The following TET3 variants were observed in gnomAD, a reference collection of about 807,000 sequenced individuals.
TET3 encodes tet methylcytosine dioxygenase 3, also known as methylcytosine dioxygenase TET3.
TET3 carries 19 observed loss-of-function variants against 141.4 expected under a neutral mutation model. The ratio of observed to expected loss-of-function variants is 0.13; its 90% CI spans 0.09 to 0.20. The LOEUF is 0.20. Ranked by LOEUF, TET3 falls within the 10% of genes least tolerant of loss-of-function variation. TET3 has a pLI of 1.00. For synonymous variants in TET3, 1,043 were observed against 980.9 expected (o/e 1.06, Z -1.18); for missense variants, 1,874 against 2,356.9 (o/e 0.80, Z 4.24).
chr2:74,048,497 C>A, intron 4 of TET3, 86 bp downstream of exon 4: 1 of 1,398,730 alleles, frequency 7.1e-7, no homozygotes, highest in Non-Finnish European at 9.6e-7. Context: ...TTTCATTTGG[C>A]AAACATTTAT....
the TET3 span, among the ~76,000 whole-genome samples, chr2:74,118,643 T>C: frequency 2.6e-5 from 4 of 152,264 alleles, no homozygotes; most frequent in East Asian, 5.8e-4. Flanking sequence ...CTGACATTGT[T>C]CAAAAGTCAC....
In TET3 at chr2:74,013,511, G is replaced by A. The variant is rs1040504591; in HGVS notation, c.360+10345G>A. On this transcript the variant is annotated intron_variant, in intron 3 of 11. Coordinates refer to ENST00000409262, the MANE Select transcript of TET3 (RefSeq NM_001287491.2). ...AATAGTACTGCTTAAATAATAATTC[G>A]ATTCTTTTTATTGGGGCTGGGCGCA... 2.6e-5 allele frequency among the ~76,000 whole-genome samples: 4 copies of A among 151,794 alleles called. No individual in the cohort carries two copies. The South Asian group carries it at 6.3e-4, about 24-fold the overall frequency.
chr2:74,125,675 A>G, the TET3 span, among the ~76,000 whole-genome samples: 3 of 151,640 alleles, frequency 2.0e-5, no homozygotes, highest in Non-Finnish European at 4.4e-5. Flanking sequence ...AGTACCTGCC[A>G]TAAATTAAAG....
chr2:74,008,635 C>A (rs1685267521), intron 3 of TET3, among the ~76,000 whole-genome samples: 1 of 152,140 alleles, frequency 6.6e-6, no homozygotes. Flanking sequence ...TGAGCTTGAC[C>A]ATCTTCCCCC....
chr2:74,100,336 C>T (rs897933029), intron 11 of TET3, 57 bp from the exon 12 acceptor site: 20 of 1,517,902 alleles, frequency 1.3e-5, no homozygotes, highest in Non-Finnish European at 1.8e-5. Flanking sequence ...CGACCCAGGG[C>T]CTCTCCAGGC....
chr2:74,018,923 C>T (rs1380476225), intron 3 of TET3, among the ~76,000 whole-genome samples: 2 of 152,118 alleles, frequency 1.3e-5, no homozygotes, highest in East Asian at 1.9e-4. Flanking sequence ...TAGACCTTTC[C>T]GTTTATTCTA....
intron 4 of TET3, among the ~76,000 whole-genome samples, chr2:74,060,583 G>A (rs561479122): frequency 2.0e-4 from 30 of 151,824 alleles, no homozygotes; most frequent in African/African-American, 7.3e-4. Flanking sequence ...GGGGGATTTG[G>A]CAGGGTCATA....
rs559418979 is a variant in TET3, at chr2:74,100,802, C to T, written c.4014C>T (p.Ala1338=). 3.8e-5 allele frequency: 62 copies of T among 1,612,744 alleles called. No individual in the cohort carries two copies. The highest frequency in any genetic ancestry group is 3.5e-4 in the African/African-American group (26 of 74,990). The change falls in exon 12 of 12, where the codon GCC becomes GCT. Residue 1338 remains alanine (A), a synonymous_variant. Coordinates refer to ENST00000409262, the MANE Select transcript of TET3 (RefSeq NM_001287491.2). ...CGGCCTACGGTGGTGCTGAGTTTGC[C>T]GAGCTGCCCAGCCAGGCTGTTCCCA... ...LSPAYGGAEF[A]ELPSQAVPTD... is the part of the protein sequence containing the mutation.
intron 5 of TET3, among the ~76,000 whole-genome samples, chr2:74,074,636 G>A (rs748136185): frequency 6.6e-6 from 1 of 152,184 alleles, no homozygotes; most frequent in Non-Finnish European, 1.5e-5. Context: ...TGAGTCCCTA[G>A]CAAGTTGTTC....
At chr2:74,124,193 G>C in the TET3 span, among the ~76,000 whole-genome samples, 2 of 148,094 alleles carry the variant, frequency 1.4e-5, no homozygotes, top group Non-Finnish European at 3.0e-5. Flanking sequence ...CGCCCGGCCA[G>C]CCACCCCATC....
rs890272777 is a variant in TET3 at position 74,031,913 on chromosome 2, G to A, written c.361-14365G>A. Among the ~76,000 whole-genome samples the A allele has an allele frequency of 5.3e-5, 8 of 152,252 alleles. No homozygotes were observed. The East Asian group carries it at 1.2e-3, about 22-fold the overall frequency. On this transcript the variant is annotated intron_variant, in intron 3 of 11. Coordinates refer to ENST00000409262, the MANE Select transcript of TET3 (RefSeq NM_001287491.2). ...TGATTAGAACCTTGGTACCTGGGAGGCCATGGGCATCCACTATTGACTCTG... is the reference window on the plus strand; with the variant it reads ...TGATTAGAACCTTGGTACCTGGGAGACCATGGGCATCCACTATTGACTCTG...
intron 3 of TET3, among the ~76,000 whole-genome samples, chr2:74,037,769 A>C (rs1339215756): frequency 6.6e-6 from 1 of 152,214 alleles, no homozygotes; most frequent in African/African-American, 2.4e-5. Context: ...AAAGGCCTTA[A>C]GAAGGTATAG....
intron 4 of TET3, among the ~76,000 whole-genome samples, chr2:74,054,740 A>G (rs1239383455): frequency 1.3e-5 from 2 of 152,246 alleles, no homozygotes; most frequent in Non-Finnish European, 2.9e-5. Flanking sequence ...ACCAATGGAT[A>G]GTTTCAAGGT....
chr2:74,097,928 C>T (rs561444244), intron 10 of TET3, among the ~76,000 whole-genome samples: 40 of 152,056 alleles, frequency 2.6e-4, no homozygotes, highest in African/African-American at 7.7e-4. Flanking sequence ...GATCAAGACC[C>T]CAAATGCCAG....
At chr2:74,009,000 A>G (rs1241789431) in intron 3 of TET3, among the ~76,000 whole-genome samples, 2 of 152,204 alleles carry the variant, frequency 1.3e-5, no homozygotes, top group African/African-American at 2.4e-5. Flanking sequence ...AGGGTTTGCA[A>G]CTTGTCCCTG....
the TET3 span, among the ~76,000 whole-genome samples, chr2:74,118,225 T>G: frequency 6.6e-6 from 1 of 151,724 alleles, no homozygotes; most frequent in Non-Finnish European, 1.5e-5. Flanking sequence ...CTGTAAATCT[T>G]GAATAACACC....
At chr2:73,992,580 C>T (rs1416922530) in intron 2 of TET3, among the ~76,000 whole-genome samples, 1 of 152,144 alleles carries the variant, frequency 6.6e-6, no homozygotes, top group Admixed American at 6.5e-5. Flanking sequence ...TCCGAAAGTG[C>T]TGGGATTACA....
At chr2:74,096,503 A>C (rs575758801) in intron 10 of TET3, among the ~76,000 whole-genome samples, 2 of 152,354 alleles carry the variant, frequency 1.3e-5, no homozygotes, top group Admixed American at 1.3e-4. Context: ...GCAGGGGCTC[A>C]CGCCTGTAAT....
chr2:74,036,803 T>C (rs1384918858), intron 3 of TET3, among the ~76,000 whole-genome samples: 2 of 152,198 alleles, frequency 1.3e-5, no homozygotes, highest in African/African-American at 2.4e-5. Context: ...CATTAGTTAC[T>C]GTTAGGTCAG....
Sources: allele counts gnomAD v4.1 joint callset (sites outside exome capture counted in the v4.1 genomes callset), GRCh38; gene constraint gnomAD v4.1.1; transcripts MANE v1.5; gene names NCBI Gene and HGNC (gene_info 2026-07-23, HGNC 2026-07-21).